The following SLC28A1 variants were observed in gnomAD, a reference collection of about 807,000 sequenced individuals.
SLC28A1 encodes the protein solute carrier family 28 member 1.
Under a neutral mutation model 74.8 loss-of-function variants are expected in SLC28A1, and 64 were observed. The ratio of observed to expected loss-of-function variants is 0.86; its 90% CI spans 0.70 to 1.05. The LOEUF (loss-of-function observed/expected upper bound fraction) is 1.05, where lower values mean the gene tolerates loss of function less well. SLC28A1 is among the 50% of genes least tolerant of loss of function. The pLI, the probability that SLC28A1 is intolerant of heterozygous loss-of-function variation, is 0.00. For synonymous variants in SLC28A1, 359 were observed against 335.0 expected, an observed-to-expected ratio of 1.07 and a Z score of -0.78; for missense variants, 828 against 822.8, an observed-to-expected ratio of 1.01 and a Z score of -0.08.
chr15:84,898,123 G>C (rs1286794666), intron 6 of SLC28A1, among the ~76,000 whole-genome samples: 1 of 131,386 alleles, frequency 7.6e-6, no homozygotes, highest in Non-Finnish European at 1.6e-5. Flanking sequence ...TCAATATATT[G>C]ATTTCCTTTT....
At chr15:84,939,502 A>G (rs1358206531) in intron 15 of SLC28A1, 8 of 152,210 alleles carry the variant, frequency 5.3e-5, no homozygotes, top group African/African-American at 1.2e-4. Context: ...ATTTGTATCA[A>G]TGCTTTATGT....
chr15:84,909,960 T>C lies in SLC28A1; in HGVS notation c.795+1165T>C, dbSNP rs532837792. Among the ~76,000 whole-genome samples, 3 of 152,364 alleles carry C rather than the reference T, an allele frequency of 2.0e-5. No individual in the cohort carries two copies. The South Asian group carries it at 6.2e-4, about 32-fold the overall frequency. On this transcript the variant is annotated intron_variant, in intron 9 of 18. Transcript: ENST00000394573. ...CCCAGGAGACTTTTGGCCCAAGCCA[T>C]GGACTTAGCTATGGACTTCTGGGCT...
Position 84,945,381 on chromosome 15 carries a change from G to A in SLC28A1, c.*181G>A. On this transcript the variant is annotated 3_prime_UTR_variant, in exon 19 of 19. Coordinates refer to ENST00000394573, the MANE Select transcript of SLC28A1 (RefSeq NM_004213.5). ...TGCAGAGAGTGAGTGAGGACATAAG[G>A]AAGGACATGTCCCACTCCATCCCCC... 1.5e-6 allele frequency: 1 copy of A among 665,144 alleles called. No individual in the cohort carries two copies. The highest frequency in any genetic ancestry group is 2.8e-6 in the Non-Finnish European group (1 of 362,048). 41.2% of individuals were successfully genotyped at this position (665,144 alleles called of 1,614,324 possible). A position where few individuals can be genotyped will look rare whatever the true frequency, so the allele number is the denominator to read the frequency against.
At position 84,887,668 on chromosome 15, in the gene SLC28A1, C is replaced by T; in HGVS notation, c.-16-77C>T. Reference sequence around the variant, plus strand: ...TCTGCTCCCCCCACTCAGTCCTCTCCCCTTTCCCCGGGCCCCTAAACTGGG... The same window carrying T: ...TCTGCTCCCCCCACTCAGTCCTCTCTCCTTTCCCCGGGCCCCTAAACTGGG... On this transcript the variant is annotated intron_variant, in intron 2 of 18. Transcript: ENST00000394573. The T allele has an allele frequency of 2.5e-6, 4 of 1,577,702 alleles. No homozygotes were observed. The South Asian group carries it at 4.5e-5, about 18-fold the overall frequency.
chr15:84,968,077 G>A, the SLC28A1 span, among the ~76,000 whole-genome samples: 3 of 152,116 alleles, frequency 2.0e-5, no homozygotes, highest in Non-Finnish European at 4.4e-5. Context: ...CATAGTTTAG[G>A]GGATTTCTGA....
the SLC28A1 span, among the ~76,000 whole-genome samples, chr15:84,954,170 A>G: frequency 1.3e-5 from 2 of 152,184 alleles, no homozygotes; most frequent in Admixed American, 1.3e-4. Context: ...GCCCTCCTCC[A>G]GACCCATTGT....
At chr15:84,957,902 T>G in the SLC28A1 span, among the ~76,000 whole-genome samples, 3 of 152,212 alleles carry the variant, frequency 2.0e-5, no homozygotes, top group Non-Finnish European at 4.4e-5. Context: ...TAGATCAATT[T>G]GAGGGGTACA....
intron 9 of SLC28A1, among the ~76,000 whole-genome samples, chr15:84,909,237 C>T (rs888707123): frequency 6.6e-6 from 1 of 152,106 alleles, no homozygotes; most frequent in African/African-American, 2.4e-5. Flanking sequence ...TTCAGGGCCC[C>T]TCACAGGCCA....
intron 9 of SLC28A1, among the ~76,000 whole-genome samples, chr15:84,910,341 C>G (rs1360846336): frequency 1.3e-5 from 2 of 152,166 alleles, no homozygotes; most frequent in Non-Finnish European, 2.9e-5. Context: ...GCGGGGGTAC[C>G]CGAAGTTTCA....
chr15:84,932,207 C>A (rs570782471), intron 12 of SLC28A1, among the ~76,000 whole-genome samples: 25 of 152,274 alleles, frequency 1.6e-4, no homozygotes, highest in African/African-American at 6.0e-4. Context: ...TGATGACCAT[C>A]ATTTTCAATG....
chr15:84,942,603 A>G (rs11852308), intron 15 of SLC28A1, among the ~76,000 whole-genome samples: 137,443 of 152,166 alleles, frequency 0.9, 62,308 homozygotes, highest in African/African-American at 0.98. Context: ...TCCAGACAGG[A>G]AAACTGACAC....
chr15:84,971,413 C>T, the SLC28A1 span, among the ~76,000 whole-genome samples: 3 of 152,106 alleles, frequency 2.0e-5, no homozygotes, highest in Non-Finnish European at 4.4e-5. Context: ...CCTCAATGAG[C>T]GAGCTCTTGC....
intron 12 of SLC28A1, among the ~76,000 whole-genome samples, chr15:84,926,720 G>A (rs1433466496): frequency 1.4e-5 from 2 of 140,782 alleles, no homozygotes; most frequent in African/African-American, 5.3e-5. Flanking sequence ...TGTATGTGCT[G>A]ATTTGGAGAT....
In SLC28A1 at chr15:84,920,994, C is replaced by G; in HGVS notation, c.882C>G (p.Ala294=). 1 of 1,613,608 alleles carries G rather than the reference C, an allele frequency of 6.2e-7. No homozygotes were observed. The highest frequency in any genetic ancestry group is 8.5e-7 in the Non-Finnish European group (1 of 1,179,518). The change falls in exon 11 of 19, where the codon GCC becomes GCG. Residue 294 remains alanine (A), a synonymous_variant. Transcript: ENST00000394573. ...AACATTCTGCTTCCTTCTAGATTGC[C>G]TGGCTGATGCAAGTCACCATGGGCA... is the stretch of plus-strand genomic sequence containing the variant. ...GLMQWVILKI[A]WLMQVTMGTT...
intron 11 of SLC28A1, among the ~76,000 whole-genome samples, chr15:84,921,924 C>T (rs1284970094): frequency 6.6e-6 from 1 of 152,188 alleles, no homozygotes; most frequent in Non-Finnish European, 1.5e-5. Flanking sequence ...AAATGTGTTC[C>T]ATGTGTTTTG....
intron 10 of SLC28A1, among the ~76,000 whole-genome samples, chr15:84,920,698 C>T (rs899966476): frequency 4.3e-5 from 5 of 115,778 alleles, no homozygotes; most frequent in Non-Finnish European, 8.3e-5. Flanking sequence ...TGGTAATCTC[C>T]AAGGGGTGTG....
chr15:84,924,896 A>AATTTTTT (rs1970293483), intron 12 of SLC28A1, among the ~76,000 whole-genome samples: 2 of 141,328 alleles, frequency 1.4e-5, no homozygotes, highest in South Asian at 4.6e-4. Flanking sequence ...ATTTTTTATT[A>AATTTTTT]ATTTTTTTTG....
At chr15:84,948,489 C>G (rs2079307135), downstream of SLC28A1, among the ~76,000 whole-genome samples, 1 of 152,270 alleles carries the variant, frequency 6.6e-6, no homozygotes, top group East Asian at 1.9e-4. Flanking sequence ...CAGGCCAAAT[C>G]TGTACTCTTG....
intron 5 of SLC28A1, among the ~76,000 whole-genome samples, chr15:84,891,762 AGTGTAAATGGCT>A (rs540099464): frequency 6.6e-6 from 1 of 152,358 alleles, no homozygotes; most frequent in East Asian, 1.9e-4. Context: ...GCAGACAGCA[AGTGTAAATGGCT>A]TTTTGGATCA....
Sources: gnomAD v4.1 joint callset for allele counts (sites outside exome capture counted in the v4.1 genomes callset) on GRCh38, gnomAD v4.1.1 for gene constraint, MANE v1.5 for transcripts, NCBI Gene and HGNC (gene_info 2026-07-23, HGNC 2026-07-21) for gene names.